RNLS: variants seen among roughly 807,000 people sequenced by gnomAD.
The protein encoded by RNLS is renalase.
Under a neutral mutation model 39.8 loss-of-function variants are expected in RNLS, and 39 were observed. That is an observed-to-expected ratio of 0.98 (90% CI 0.76 to 1.28). The LOEUF is 1.28. Ranked by LOEUF, RNLS falls within the 50% of genes most tolerant of loss-of-function variation. The pLI, the probability that RNLS is intolerant of heterozygous loss-of-function variation, is 0.00. For synonymous variants in RNLS, 147 were observed against 150.7 expected (o/e 0.98, Z 0.18); for missense variants, 410 against 413.3 (o/e 0.99, Z 0.07).
chr10:88,431,446 T>C (rs917297949), intron 4 of RNLS, among the ~76,000 whole-genome samples: 8 of 151,750 alleles, frequency 5.3e-5, no homozygotes, highest in Non-Finnish European at 1.0e-4. Flanking sequence ...CTTGTTTTTC[T>C]ATTGTTTTTC....
chr10:88,233,266 T>A, the RNLS span, among the ~76,000 whole-genome samples: 2 of 152,154 alleles, frequency 1.3e-5, no homozygotes, highest in Non-Finnish European at 1.5e-5. Flanking sequence ...GAGAAAGCTT[T>A]TTTCCTCCCC....
At chr10:88,328,857 C>T (rs1589565738) in intron 5 of RNLS, among the ~76,000 whole-genome samples, 1 of 152,032 alleles carries the variant, frequency 6.6e-6, no homozygotes, top group African/African-American at 2.4e-5. Flanking sequence ...TTTTCCTCTT[C>T]CAAAAGTATT....
the RNLS span, among the ~76,000 whole-genome samples, chr10:88,240,562 T>A: frequency 5.9e-5 from 9 of 151,922 alleles, no homozygotes; most frequent in Admixed American, 1.3e-4. Context: ...AGCCACCTCG[T>A]CTAGAAAGCT....
In RNLS at chr10:88,520,940, C is replaced by T. The variant is rs118128365; in HGVS notation, c.526+51963G>A. ...CCATCAAAGTCTTGGCTGGGCTTCT[C>T]GTTCTTCCTCATGGGATATCATTTC... On this transcript the variant is annotated intron_variant, in intron 4 of 6. Coordinates refer to ENST00000331772, the MANE Select transcript of RNLS (RefSeq NM_001031709.3). Among the ~76,000 whole-genome samples, 601 of 152,070 alleles carry T rather than the reference C, an allele frequency of 4.0e-3. 2 individuals are homozygous for T. The highest frequency in any genetic ancestry group is 5.5e-3 in the Admixed American group (84 of 15,246).
chr10:88,366,119 G>A (rs1850080059), intron 4 of RNLS, among the ~76,000 whole-genome samples: 1 of 152,112 alleles, frequency 6.6e-6, no homozygotes, highest in Non-Finnish European at 1.5e-5. Flanking sequence ...CAAGTAAATG[G>A]TATGTCAGTT....
At chr10:88,258,566 C>T in the RNLS span, among the ~76,000 whole-genome samples, 2 of 152,200 alleles carry the variant, frequency 1.3e-5, no homozygotes, top group Admixed American at 1.3e-4. Context: ...ATCATGGCTG[C>T]TCCCATCACT....
At chr10:88,296,286 A>G (rs572638618) in intron 6 of RNLS, among the ~76,000 whole-genome samples, 1 of 152,280 alleles carries the variant, frequency 6.6e-6, no homozygotes, top group Non-Finnish European at 1.5e-5. Context: ...GAGTCCAGAG[A>G]TAAGCTGAAA....
downstream of RNLS, among the ~76,000 whole-genome samples, chr10:88,269,666 C>T (rs968056214): frequency 6.6e-6 from 1 of 152,136 alleles, no homozygotes; most frequent in Admixed American, 6.5e-5. Context: ...GCAACAGGGG[C>T]CTGAGAAGTC....
chr10:88,368,271 A>G (rs902963522), intron 4 of RNLS, among the ~76,000 whole-genome samples: 2 of 152,108 alleles, frequency 1.3e-5, no homozygotes, highest in Admixed American at 1.3e-4. Flanking sequence ...AATAAATGAT[A>G]GCTTTATTAT....
chr10:88,499,604 G>A (rs1845360616), intron 4 of RNLS, among the ~76,000 whole-genome samples: 1 of 152,046 alleles, frequency 6.6e-6, no homozygotes, highest in South Asian at 2.1e-4. Context: ...CCCCTGTCTT[G>A]GGATGTTTCT....
intron 4 of RNLS, among the ~76,000 whole-genome samples, chr10:88,419,144 A>G (rs1854220720): frequency 6.6e-6 from 1 of 152,200 alleles, no homozygotes; most frequent in Non-Finnish European, 1.5e-5. Flanking sequence ...CAGGGTTCAT[A>G]TGGTGCAAAG....
intron 4 of RNLS, among the ~76,000 whole-genome samples, chr10:88,519,983 G>GC (rs1846634170): frequency 6.6e-6 from 1 of 151,806 alleles, no homozygotes; most frequent in African/African-American, 2.4e-5. Flanking sequence ...TTGCATTCTG[G>GC]CCAGTGAACC....
At chr10:88,300,183 T>C (rs1438301597) in intron 6 of RNLS, among the ~76,000 whole-genome samples, 1 of 152,108 alleles carries the variant, frequency 6.6e-6, no homozygotes, top group Non-Finnish European at 1.5e-5. Context: ...TTCTCATCTA[T>C]GTGATGAGGA....
chr10:88,198,311 T>C, the RNLS span, among the ~76,000 whole-genome samples: 94 of 152,330 alleles, frequency 6.2e-4, no homozygotes, highest in African/African-American at 2.2e-3. Flanking sequence ...GGCAAGCATG[T>C]GGCCTGTGAG....
chr10:88,514,426 G>C (rs1035322544), intron 4 of RNLS, among the ~76,000 whole-genome samples: 2 of 152,118 alleles, frequency 1.3e-5, no homozygotes, highest in African/African-American at 4.8e-5. Context: ...GGGACACACA[G>C]CCAAACAATA....
At chr10:88,404,121 T>G (rs761729488) in intron 4 of RNLS, among the ~76,000 whole-genome samples, 2 of 152,112 alleles carry the variant, frequency 1.3e-5, no homozygotes, top group East Asian at 3.9e-4. Flanking sequence ...TTGTGGAATT[T>G]ACAACAAAAG....
At chr10:88,418,359 C>T (rs1355024103) in intron 4 of RNLS, among the ~76,000 whole-genome samples, 2 of 152,132 alleles carry the variant, frequency 1.3e-5, no homozygotes, top group Non-Finnish European at 2.9e-5. Context: ...AAACTTGGAT[C>T]TAACCTTGAC....
intron 4 of RNLS, among the ~76,000 whole-genome samples, chr10:88,553,918 A>G (rs1277254513): frequency 1.3e-5 from 2 of 152,200 alleles, no homozygotes; most frequent in Non-Finnish European, 2.9e-5. Context: ...AGATCCTAAG[A>G]AAATATTTAT....
the RNLS span, among the ~76,000 whole-genome samples, chr10:88,240,413 TAAA>T: frequency 9.5e-4 from 142 of 150,262 alleles, no homozygotes; most frequent in African/African-American, 2.7e-3. Flanking sequence ...GTCCTTTTTT[TAAA>T]AAAAAAAAAA....
Sources: allele counts gnomAD v4.1 joint callset (sites outside exome capture counted in the v4.1 genomes callset), GRCh38; gene constraint gnomAD v4.1.1; transcripts MANE v1.5; gene names NCBI Gene and HGNC (gene_info 2026-07-23, HGNC 2026-07-21).